The following CTDSPL variants were observed in gnomAD, a reference collection of about 807,000 sequenced individuals.
CTDSPL encodes CTD small phosphatase like.
Under a neutral mutation model 30.5 loss-of-function variants are expected in CTDSPL, and 8 were observed. That is an observed-to-expected ratio of 0.26 (90% confidence interval 0.15 to 0.47). CTDSPL has a LOEUF of 0.47. CTDSPL is among the 20% of genes least tolerant of loss of function. The probability of loss-of-function intolerance (pLI) is 0.99; values close to 1 mark genes in which losing one functional copy is unlikely to be tolerated. For synonymous variants in CTDSPL, 110 were observed against 137.9 expected, an observed-to-expected ratio of 0.80 and a Z score of 1.42; for missense variants, 248 against 366.1, an observed-to-expected ratio of 0.68 and a Z score of 2.63.
chr3:37,906,400 G>A (rs570086401), intron 1 of CTDSPL, among the ~76,000 whole-genome samples: 16 of 152,120 alleles, frequency 1.1e-4, no homozygotes, highest in East Asian at 5.8e-4. Context: ...ACTTCGGTCC[G>A]TTCTATAAAT....
intron 1 of CTDSPL, among the ~76,000 whole-genome samples, chr3:37,887,304 C>G (rs1401576376): frequency 6.6e-6 from 1 of 152,194 alleles, no homozygotes; most frequent in Non-Finnish European, 1.5e-5. Context: ...TGCCAACTGT[C>G]TGCACCACAG....
Position 37,862,491 on chromosome 3 carries a change from GGAGC to G in CTDSPL, c.79+217_79+220del. 6.6e-6 allele frequency among the ~76,000 whole-genome samples: 1 copy of G among 152,256 alleles called. No homozygotes were observed. The highest frequency in any genetic ancestry group is 1.9e-4 in the East Asian group (1 of 5,172). The stretch of plus-strand genomic sequence containing the variant: ...TGTGCAGGGGCTGGCGGAGAGACTG[GGAGC>G]GAGTGTGTGTGCATCTAACCGGGAG... On this transcript the variant is annotated intron_variant, in intron 1 of 7. Transcript: ENST00000273179. This position sits in a 1 kb window ranked among gnomAD's most constrained non-coding sequence, Gnocchi z 4.3.
At chr3:37,905,672 T>A in intron 1 of CTDSPL, among the ~76,000 whole-genome samples, 1 of 152,252 alleles carries the variant, frequency 6.6e-6, no homozygotes, top group South Asian at 2.1e-4. Flanking sequence ...TGCATACCTA[T>A]ACCTGCTGCA....
chr3:37,873,306 T>C (rs1157501959), intron 1 of CTDSPL, among the ~76,000 whole-genome samples: 1 of 152,154 alleles, frequency 6.6e-6, no homozygotes, highest in Non-Finnish European at 1.5e-5. Context: ...GTCTGAAAGA[T>C]TTCTGTCTTG....
intron 1 of CTDSPL, among the ~76,000 whole-genome samples, chr3:37,938,750 G>A (rs75882571): frequency 6.8e-6 from 1 of 147,852 alleles, no homozygotes; most frequent in Non-Finnish European, 1.5e-5. Flanking sequence ...GCGTGATCTC[G>A]GCTCACTGCA....
intron 1 of CTDSPL, among the ~76,000 whole-genome samples, chr3:37,894,221 A>G (rs1053771153): frequency 6.6e-6 from 1 of 152,148 alleles, no homozygotes; most frequent in South Asian, 2.1e-4. Context: ...AGCTCGGACT[A>G]CAGGCACACA....
At chr3:37,894,293 G>A (rs546288339) in intron 1 of CTDSPL, among the ~76,000 whole-genome samples, 2 of 151,324 alleles carry the variant, frequency 1.3e-5, no homozygotes, top group East Asian at 3.9e-4. Context: ...CGAGAGTCTC[G>A]CTAGAGTCTC....
intron 3 of CTDSPL, among the ~76,000 whole-genome samples, chr3:37,962,807 A>G (rs1699257960): frequency 6.6e-6 from 1 of 152,240 alleles, no homozygotes; most frequent in Admixed American, 6.5e-5. Flanking sequence ...TCATAGGTCT[A>G]TAATCTTTAC....
At chr3:37,910,800 T>A (rs1243135236) in intron 1 of CTDSPL, among the ~76,000 whole-genome samples, 1 of 152,218 alleles carries the variant, frequency 6.6e-6, no homozygotes, top group Non-Finnish European at 1.5e-5. Flanking sequence ...AGAGTCTGAA[T>A]TACTCCATTC....
At chr3:37,885,890 A>C (rs1369383724) in intron 1 of CTDSPL, among the ~76,000 whole-genome samples, 1 of 152,212 alleles carries the variant, frequency 6.6e-6, no homozygotes, top group Non-Finnish European at 1.5e-5. Context: ...TCTGCTTACT[A>C]CAGAGAGAAC....
At chr3:37,907,453 C>A (rs1430441699) in intron 1 of CTDSPL, among the ~76,000 whole-genome samples, 1 of 152,162 alleles carries the variant, frequency 6.6e-6, no homozygotes, top group Non-Finnish European at 1.5e-5. Context: ...AATTAAGAGA[C>A]TTAAAGAACT....
intron 2 of CTDSPL, chr3:37,955,285 A>C (rs1699158153): frequency 6.6e-6 from 1 of 152,274 alleles, no homozygotes; most frequent in Non-Finnish European, 1.5e-5. Context: ...TGACCCAGCC[A>C]GGTATGGCAG....
At chr3:37,884,573 G>C (rs550775511) in intron 1 of CTDSPL, among the ~76,000 whole-genome samples, 134 of 152,320 alleles carry the variant, frequency 8.8e-4, no homozygotes, top group Non-Finnish European at 1.3e-3. Flanking sequence ...GGGGAGGAGA[G>C]TGTCAAAGCA....
chr3:37,933,851 A>C (rs1218510592), intron 1 of CTDSPL, among the ~76,000 whole-genome samples: 3 of 152,186 alleles, frequency 2.0e-5, no homozygotes, highest in Non-Finnish European at 4.4e-5. Flanking sequence ...TGGATGTATT[A>C]TATATTTTAT....
rs71288085 is a variant in CTDSPL at position 37,960,535 on chromosome 3, TACACACACACAC to T, written c.267+3424_267+3435del. ...ATATATATATATATATATATATATA[TACACACACACAC>T]ACACACACACACACACACACACACA... On this transcript the variant is annotated intron_variant, in intron 3 of 7. Coordinates refer to ENST00000273179, the MANE Select transcript of CTDSPL (RefSeq NM_001008392.2). 4.0e-3 allele frequency among the ~76,000 whole-genome samples: 65 copies of T among 16,262 alleles called. 1 individual carries two copies. Among genetic ancestry groups the T allele is most frequent in the African/African-American group, 0.013 (52 of 3,888 alleles). 10.7% of individuals were successfully genotyped at this position (16,262 alleles called of 152,430 possible).
chr3:37,874,628 G>A (rs1214378100), intron 1 of CTDSPL, among the ~76,000 whole-genome samples: 4 of 152,186 alleles, frequency 2.6e-5, no homozygotes, highest in African/African-American at 4.8e-5. Context: ...TGCTCGGGAG[G>A]CTGAGGCAGG....
intron 1 of CTDSPL, among the ~76,000 whole-genome samples, chr3:37,928,958 A>G (rs1271102493): frequency 2.6e-5 from 4 of 152,192 alleles, no homozygotes; most frequent in Non-Finnish European, 5.9e-5. Context: ...ACTTTTGTGT[A>G]GGGCATAAAA....
intron 1 of CTDSPL, among the ~76,000 whole-genome samples, chr3:37,886,240 G>T (rs965067367): frequency 1.3e-5 from 2 of 151,990 alleles, no homozygotes; most frequent in East Asian, 3.9e-4. Context: ...GGCCCTCAAG[G>T]GTGCCTGTAA....
chr3:37,909,945 A>G (rs1698562749), intron 1 of CTDSPL, among the ~76,000 whole-genome samples: 2 of 152,218 alleles, frequency 1.3e-5, no homozygotes, highest in South Asian at 4.1e-4. Context: ...TCTAGGAAGA[A>G]TGATTAGGAC....
Sources: gnomAD v4.1 joint callset for allele counts (sites outside exome capture counted in the v4.1 genomes callset) on GRCh38, gnomAD v4.1.1 for gene constraint, Gnocchi (gnomAD v3.1) non-coding constraint, MANE v1.5 for transcripts, NCBI Gene and HGNC (gene_info 2026-07-23, HGNC 2026-07-21) for gene names.